The following PXK variants were observed in gnomAD, a reference collection of about 807,000 sequenced individuals.
PXK encodes the protein PX domain containing serine/threonine kinase like.
In PXK, 35 loss-of-function variants were observed where a neutral mutation model predicts 84.7. That is an observed-to-expected ratio of 0.41 (90% confidence interval 0.32 to 0.55). The LOEUF (loss-of-function observed/expected upper bound fraction) is 0.55. Among genes scored for constraint, PXK ranks in the 20% least tolerant of loss-of-function variants. The pLI is 0.21. For synonymous variants in PXK, 253 were observed against 260.8 expected (o/e 0.97, Z 0.29); for missense variants, 634 against 699.7 (o/e 0.91, Z 1.06).
intron 17 of PXK, chr3:58,423,634 A>T (rs3196769): frequency 0.084 from 119,310 of 1,422,008 alleles, 5,522 homozygotes; most frequent in Middle Eastern, 0.13. Flanking sequence ...CCTGTTACTT[A>T]TCACAACTCA....
rs142191677 is a variant in PXK at position 58,351,118 on chromosome 3, G to C, written c.103-14756G>C. On this transcript the variant is annotated intron_variant, in intron 1 of 17. Transcript: ENST00000356151. The stretch of plus-strand genomic sequence containing the variant: ...ATGACCAAAAGCTCCCTTGTCAAAG[G>C]AAAAAAGGTGCATTTATCATTGATA... Among the ~76,000 whole-genome samples, 307 of 152,080 alleles carry C rather than the reference G, an allele frequency of 2.0e-3. 5 individuals are homozygous for C. The highest frequency in any genetic ancestry group is 7.1e-3 in the African/African-American group (296 of 41,508).
chr3:58,343,781 T>C (rs1025862031), intron 1 of PXK, among the ~76,000 whole-genome samples: 1 of 152,232 alleles, frequency 6.6e-6, no homozygotes, highest in African/African-American at 2.4e-5. Context: ...ATTTGCTGAA[T>C]AAGTGAATTT....
intron 6 of PXK, 121 bp downstream of exon 6, chr3:58,391,341 G>T: frequency 1.2e-6 from 1 of 811,906 alleles, no homozygotes; most frequent in South Asian, 1.8e-5. Flanking sequence ...AGGCTTCCTT[G>T]GTCCATGTCA....
intron 1 of PXK, among the ~76,000 whole-genome samples, chr3:58,352,305 C>G (rs2097947362): frequency 6.6e-6 from 1 of 152,200 alleles, no homozygotes; most frequent in East Asian, 1.9e-4. Context: ...CCAGCAGGTA[C>G]TCAGGTCAGT....
chr3:58,382,002 TA>T (rs1189268844), intron 3 of PXK, among the ~76,000 whole-genome samples: 1 of 152,106 alleles, frequency 6.6e-6, no homozygotes, highest in African/African-American at 2.4e-5. Context: ...AAAAGCACAT[TA>T]AAAAAATAAA....
At chr3:58,346,800 G>A (rs185097685) in intron 1 of PXK, among the ~76,000 whole-genome samples, 173 of 138,962 alleles carry the variant, frequency 1.2e-3, no homozygotes, top group African/African-American at 4.2e-3. Context: ...TAGGACCACA[G>A]CCTCATGCCA....
At chr3:58,403,265 A>G (rs1256224773) in intron 12 of PXK, among the ~76,000 whole-genome samples, 1 of 152,184 alleles carries the variant, frequency 6.6e-6, no homozygotes, top group African/African-American at 2.4e-5. Context: ...TCAGCCTCAC[A>G]AAGTGCTGGG....
At chr3:58,362,528 G>T (rs1026738423) in intron 1 of PXK, among the ~76,000 whole-genome samples, 1 of 152,150 alleles carries the variant, frequency 6.6e-6, no homozygotes, top group African/African-American at 2.4e-5. Flanking sequence ...TGTTGAAAAG[G>T]CTATCATTCC....
chr3:58,345,229 G>C (rs1461108753), intron 1 of PXK, among the ~76,000 whole-genome samples: 1 of 152,110 alleles, frequency 6.6e-6, no homozygotes, highest in East Asian at 1.9e-4. Flanking sequence ...AACTCGGAGT[G>C]GTTAACAGAG....
intron 3 of PXK, among the ~76,000 whole-genome samples, chr3:58,374,004 A>G (rs1559968678): frequency 7.9e-6 from 1 of 126,170 alleles, no homozygotes; most frequent in Non-Finnish European, 1.7e-5. Context: ...GAGATCGCAC[A>G]CTGCACTCCA....
chr3:58,352,770 T>C (rs1453989471), intron 1 of PXK, among the ~76,000 whole-genome samples: 1 of 152,116 alleles, frequency 6.6e-6, no homozygotes, highest in Non-Finnish European at 1.5e-5. Flanking sequence ...TTGCAGTGTT[T>C]TTCTTCTCTG....
chr3:58,344,726 G>A (rs1037644950), intron 1 of PXK, among the ~76,000 whole-genome samples: 11 of 152,354 alleles, frequency 7.2e-5, no homozygotes, highest in East Asian at 5.8e-4. Flanking sequence ...TACTCAGGAG[G>A]CTGAGGCAGG....
intron 17 of PXK, chr3:58,413,973 G>A (rs2060593914): frequency 6.6e-6 from 1 of 152,222 alleles, no homozygotes; most frequent in Non-Finnish European, 1.5e-5. Context: ...TCTGGCTGAG[G>A]GTGGCTACTG....
chr3:58,345,090 A>G (rs62258073), intron 1 of PXK, among the ~76,000 whole-genome samples: 6 of 152,190 alleles, frequency 3.9e-5, no homozygotes, highest in Non-Finnish European at 2.9e-5. Context: ...TGAATGAAGC[A>G]GGGAGCTGAC....
intron 2 of PXK, among the ~76,000 whole-genome samples, chr3:58,369,156 C>T (rs2108501541): frequency 6.6e-6 from 1 of 152,290 alleles, no homozygotes; most frequent in Admixed American, 6.5e-5. Context: ...GGCTGTTTGC[C>T]CTGAAAACAA....
At chr3:58,406,283 T>TA (rs2059396468) in intron 13 of PXK, among the ~76,000 whole-genome samples, 1 of 73,256 alleles carries the variant, frequency 1.4e-5, no homozygotes, top group African/African-American at 4.0e-5. Context: ...TTAATTTTAA[T>TA]TTTTTTTTTT....
intron 3 of PXK, 145 bp downstream of exon 3, chr3:58,369,623 C>T: frequency 1.7e-6 from 1 of 588,154 alleles, no homozygotes; most frequent in South Asian, 2.1e-5. Flanking sequence ...GTCAGGCGTT[C>T]AAGACCACCT....
chr3:58,349,139 T>C (rs2097874096), intron 1 of PXK, among the ~76,000 whole-genome samples: 1 of 151,286 alleles, frequency 6.6e-6, no homozygotes, highest in African/African-American at 2.4e-5. Flanking sequence ...GAGGCTGAGG[T>C]GGGAGGATCA....
rs567502135 is a variant in PXK at position 58,379,903 on chromosome 3, T to G, written c.202-2611T>G. Among the ~76,000 whole-genome samples, 17 of 151,986 alleles carry G rather than the reference T, an allele frequency of 1.1e-4. No homozygotes were observed. The South Asian group carries it at 3.3e-3, about 30-fold the overall frequency. On this transcript the variant is annotated intron_variant, in intron 3 of 17. Transcript: ENST00000356151. This position sits in a 1 kb window ranked among gnomAD's most constrained non-coding sequence, Gnocchi z 5.1. The stretch of plus-strand genomic sequence containing the variant: ...GACAGGATTGCTTGAGCTTAGGAGG[T>G]CGAGGCTACAGTGAGCGGTGATCAT...
Sources: allele counts gnomAD v4.1 joint callset (sites outside exome capture counted in the v4.1 genomes callset), GRCh38; gene constraint gnomAD v4.1.1; non-coding constraint Gnocchi (gnomAD v3.1); transcripts MANE v1.5; gene names NCBI Gene and HGNC (gene_info 2026-07-23, HGNC 2026-07-21).